The following SCAPER variants were observed in gnomAD, a reference collection of about 807,000 sequenced individuals.
SCAPER encodes the protein S-phase cyclin A associated protein in the ER.
In SCAPER, 98 loss-of-function variants were observed where a neutral mutation model predicts 182.2. The observed-to-expected ratio is 0.54, with a 90% CI of 0.46 to 0.64. The LOEUF (loss-of-function observed/expected upper bound fraction) is 0.64. Ranked by LOEUF, SCAPER falls within the 30% of genes least tolerant of loss-of-function variation. The pLI, the probability that SCAPER is intolerant of heterozygous loss-of-function variation, is 0.00. For synonymous variants in SCAPER, 605 were observed against 564.6 expected, an observed-to-expected ratio of 1.07 and a Z score of -1.01; for missense variants, 1,432 against 1,690.0, an observed-to-expected ratio of 0.85 and a Z score of 2.68.
At chr15:76,760,639 G>GT in intron 14 of SCAPER, among the ~76,000 whole-genome samples, 1 of 152,268 alleles carries the variant, frequency 6.6e-6, no homozygotes, top group Middle Eastern at 3.4e-3. Context: ...ACTACCAAGA[G>GT]TACCCTTATT....
intron 21 of SCAPER, among the ~76,000 whole-genome samples, chr15:76,658,037 T>G (rs1316218717): frequency 6.6e-6 from 1 of 152,116 alleles, no homozygotes; most frequent in Non-Finnish European, 1.5e-5. Context: ...CCACTCCTAT[T>G]CAGCATAGTA....
intron 10 of SCAPER, among the ~76,000 whole-genome samples, chr15:76,769,239 G>A (rs189096531): frequency 3.0e-4 from 45 of 151,864 alleles, no homozygotes; most frequent in Admixed American, 8.5e-4. Flanking sequence ...TCAGGATATC[G>A]AGACCAGCCT....
intron 21 of SCAPER, among the ~76,000 whole-genome samples, chr15:76,632,192 T>TTTTG (rs913525726): frequency 2.0e-5 from 3 of 152,040 alleles, no homozygotes; most frequent in Admixed American, 6.5e-5. Context: ...GGTAACGGTT[T>TTTTG]TTTGTTTGTT....
At chr15:76,812,267 T>A (rs369994209) in intron 5 of SCAPER, among the ~76,000 whole-genome samples, 23 of 151,996 alleles carry the variant, frequency 1.5e-4, no homozygotes, top group African/African-American at 5.5e-4. Flanking sequence ...TGAGCCAAGA[T>A]TGTGCCACTG....
chr15:76,484,229 A>C (rs1395976958), intron 24 of SCAPER, among the ~76,000 whole-genome samples: 10 of 152,196 alleles, frequency 6.6e-5, no homozygotes, highest in Non-Finnish European at 1.2e-4. Flanking sequence ...AAGTGAATGA[A>C]GTCAGTCTAA....
chr15:76,798,421 A>G (rs2065498692), intron 7 of SCAPER, among the ~76,000 whole-genome samples: 1 of 152,040 alleles, frequency 6.6e-6, no homozygotes, highest in African/African-American at 2.4e-5. Context: ...CAAATGGGAC[A>G]GCATCAAGAG....
chr15:76,437,962 T>A (rs1279526257), intron 25 of SCAPER, among the ~76,000 whole-genome samples: 1 of 152,058 alleles, frequency 6.6e-6, no homozygotes, highest in African/African-American at 2.4e-5. Context: ...GGTTTCTTGG[T>A]TTATAGAAAC....
intron 21 of SCAPER, among the ~76,000 whole-genome samples, chr15:76,652,369 CACAT>C (rs1344364479): frequency 0.012 from 166 of 13,660 alleles, 5 homozygotes; most frequent in African/African-American, 0.027. Flanking sequence ...CACACACACA[CACAT>C]ATATATATAT....
chr15:76,847,566 A>G (rs926750100), intron 4 of SCAPER, among the ~76,000 whole-genome samples: 10 of 152,216 alleles, frequency 6.6e-5, no homozygotes, highest in African/African-American at 2.4e-4. Context: ...ACTGTATCAA[A>G]GTATCTCATG....
At chr15:76,451,507 T>A (rs927139524) in intron 25 of SCAPER, among the ~76,000 whole-genome samples, 1 of 152,246 alleles carries the variant, frequency 6.6e-6, no homozygotes, top group Non-Finnish European at 1.5e-5. Flanking sequence ...GCAAGTTATC[T>A]TTCAACGAAT....
intron 28 of SCAPER, 88 bp downstream of exon 28, chr15:76,381,290 C>T (rs2042927931): frequency 9.6e-7 from 1 of 1,037,406 alleles, no homozygotes; most frequent in Non-Finnish European, 1.5e-6. Flanking sequence ...TCCTTATGCC[C>T]CAATTCAGGA....
chr15:76,560,721 C>G (rs2046550078), intron 23 of SCAPER, among the ~76,000 whole-genome samples: 2 of 152,126 alleles, frequency 1.3e-5, no homozygotes, highest in South Asian at 4.1e-4. Context: ...TTCTAGAGTA[C>G]AGTTCTCCAA....
intron 21 of SCAPER, 106 bp from the exon 22 acceptor site, chr15:76,621,935 T>A: frequency 1.4e-6 from 1 of 724,294 alleles, no homozygotes; most frequent in Non-Finnish European, 2.3e-6. Flanking sequence ...CTAAGCCTAT[T>A]AAATCTGGTG....
intron 8 of SCAPER, among the ~76,000 whole-genome samples, chr15:76,788,574 T>C (rs1433098971): frequency 6.6e-6 from 1 of 152,150 alleles, no homozygotes; most frequent in Non-Finnish European, 1.5e-5. Context: ...TATTAATTCA[T>C]TACCCTGTTT....
At chr15:76,784,252 G>A (rs1304656750) in intron 8 of SCAPER, among the ~76,000 whole-genome samples, 7 of 152,120 alleles carry the variant, frequency 4.6e-5, no homozygotes, top group Non-Finnish European at 1.0e-4. Context: ...CAGACAAACA[G>A]AGAGCCAAAT....
intron 23 of SCAPER, among the ~76,000 whole-genome samples, chr15:76,552,274 C>T (rs926009367): frequency 6.6e-6 from 1 of 152,054 alleles, no homozygotes; most frequent in South Asian, 2.1e-4. Flanking sequence ...GAATGAGACC[C>T]TATCTCAAAA....
At chr15:76,431,752 T>C (rs1187061323) in intron 26 of SCAPER, among the ~76,000 whole-genome samples, 1 of 146,244 alleles carries the variant, frequency 6.8e-6, no homozygotes, top group Non-Finnish European at 1.5e-5. Context: ...TTTGCAGTTT[T>C]ACACAGTCCT....
chr15:76,466,419 CTTTTTT>C, intron 25 of SCAPER, among the ~76,000 whole-genome samples: 701 of 37,446 alleles, frequency 0.019, 13 homozygotes, highest in African/African-American at 0.044. Flanking sequence ...GTTGGTTCTT[CTTTTTT>C]TTTTTTTTTT....
At chr15:76,656,343 G>T (rs1015872982) in intron 21 of SCAPER, among the ~76,000 whole-genome samples, 1 of 152,080 alleles carries the variant, frequency 6.6e-6, no homozygotes, top group African/African-American at 2.4e-5. Context: ...TCAACAAGAA[G>T]ACCTAACTAT....
Sources: gnomAD v4.1 joint callset for allele counts (sites outside exome capture counted in the v4.1 genomes callset) on GRCh38, gnomAD v4.1.1 for gene constraint, MANE v1.5 for transcripts, NCBI Gene and HGNC (gene_info 2026-07-23, HGNC 2026-07-21) for gene names.